Variants in VIPR2 observed in about 807,000 individuals in gnomAD.
The protein encoded by VIPR2 is vasoactive intestinal peptide receptor 2.
In VIPR2, 48 loss-of-function variants were observed where a neutral mutation model predicts 58.0. That is an observed-to-expected ratio of 0.83 (90% CI 0.66 to 1.05). The LOEUF is 1.05. VIPR2 is among the 50% of genes least tolerant of loss of function. VIPR2 has a pLI of 0.00. For synonymous variants in VIPR2, 243 were observed against 235.2 expected, an observed-to-expected ratio of 1.03 and a Z score of -0.30; for missense variants, 534 against 558.0, an observed-to-expected ratio of 0.96 and a Z score of 0.43.
intron 2 of VIPR2, among the ~76,000 whole-genome samples, chr7:159,121,518 G>A (rs6459925): frequency 0.33 from 49,649 of 152,038 alleles, 8,950 homozygotes; most frequent in African/African-American, 0.5. Flanking sequence ...GTACCCGTGC[G>A]TGGGATACAC....
chr7:159,124,392 T>C (rs187094746), intron 2 of VIPR2, among the ~76,000 whole-genome samples: 10 of 152,342 alleles, frequency 6.6e-5, no homozygotes, highest in Admixed American at 2.0e-4. Context: ...CACCATTTAA[T>C]TGAATAGGGA....
chr7:159,134,087 C>T (rs1797098884), intron 2 of VIPR2, among the ~76,000 whole-genome samples: 1 of 152,158 alleles, frequency 6.6e-6, no homozygotes, highest in Non-Finnish European at 1.5e-5. Flanking sequence ...ATATCTAGAT[C>T]ATGCCCAAAT....
chr7:159,114,855 CGGGGA>C (rs1796178046), intron 2 of VIPR2, among the ~76,000 whole-genome samples: 1 of 148,034 alleles, frequency 6.8e-6, no homozygotes, highest in African/African-American at 2.5e-5. Flanking sequence ...AGGGAGGGAG[CGGGGA>C]GGGAAGAAAA....
At chr7:159,103,170 A>C (rs776568894) in intron 4 of VIPR2, among the ~76,000 whole-genome samples, 2 of 152,214 alleles carry the variant, frequency 1.3e-5, no homozygotes, top group African/African-American at 2.4e-5. Context: ...CACAGTGGAC[A>C]TAACACCCAA....
chr7:159,084,139 G>A (rs1204508069), intron 4 of VIPR2, among the ~76,000 whole-genome samples: 4 of 152,244 alleles, frequency 2.6e-5, no homozygotes, highest in Admixed American at 1.3e-4. Flanking sequence ...AAGCAAAGCC[G>A]CATCAGTACT....
chr7:159,085,318 C>G (rs1857115564), intron 4 of VIPR2, among the ~76,000 whole-genome samples: 1 of 152,134 alleles, frequency 6.6e-6, no homozygotes, highest in Non-Finnish European at 1.5e-5. Context: ...TTTTTTGAGA[C>G]GGAGCCTTGC....
chr7:159,081,988 G>T (rs998642542), intron 4 of VIPR2, among the ~76,000 whole-genome samples: 1 of 152,218 alleles, frequency 6.6e-6, no homozygotes, highest in Non-Finnish European at 1.5e-5. Flanking sequence ...AGGATGTGGA[G>T]AAATAGGAAC....
At chr7:159,112,595 C>G (rs1796058866) in intron 2 of VIPR2, among the ~76,000 whole-genome samples, 1 of 151,744 alleles carries the variant, frequency 6.6e-6, no homozygotes, top group South Asian at 2.1e-4. Flanking sequence ...GACAGGCCAT[C>G]GGTACCCCCG....
intron 2 of VIPR2, among the ~76,000 whole-genome samples, chr7:159,130,200 T>G (rs113372000): frequency 0.015 from 2,311 of 152,324 alleles, 60 homozygotes; most frequent in African/African-American, 0.052. Context: ...TTCCTGGGCT[T>G]AGGTCAAGCT....
In VIPR2 at chr7:159,037,518, C is replaced by CT. The variant is rs554188944; in HGVS notation, c.598-617dup. On this transcript the variant is annotated intron_variant, in intron 6 of 12. Coordinates refer to ENST00000262178, the MANE Select transcript of VIPR2 (RefSeq NM_003382.5). ...CAGTGGACCCACACCAGGCCCCAGA[C>CT]TTTTTTTTTAAATTTTTGACAACTA... Among the ~76,000 whole-genome samples, 411 of 151,842 alleles carry CT rather than the reference C, an allele frequency of 2.7e-3. 1 individual carries two copies. Among genetic ancestry groups the CT allele is most frequent in the Non-Finnish European group, 4.9e-3 (330 of 67,878 alleles).
intron 8 of VIPR2, chr7:159,035,672 C>T: frequency 1.0e-6 from 1 of 984,286 alleles, no homozygotes; most frequent in Non-Finnish European, 1.2e-6. Context: ...ATCGCTGTGC[C>T]CACCGCAGGG....
intron 3 of VIPR2, among the ~76,000 whole-genome samples, chr7:159,108,910 T>C (rs1795881100): frequency 6.6e-6 from 1 of 152,206 alleles, no homozygotes; most frequent in Non-Finnish European, 1.5e-5. Context: ...GTGATGGTAA[T>C]GCAAGCATGG....
intron 10 of VIPR2, among the ~76,000 whole-genome samples, chr7:159,033,652 T>G (rs1158776674): frequency 1.3e-5 from 2 of 152,234 alleles, no homozygotes; most frequent in South Asian, 2.1e-4. Flanking sequence ...TGTAATCACG[T>G]GGGCAGGAAA....
chr7:159,067,642 A>G (rs1165367820), intron 4 of VIPR2, among the ~76,000 whole-genome samples: 1 of 152,248 alleles, frequency 6.6e-6, no homozygotes, highest in African/African-American at 2.4e-5. Flanking sequence ...CTAGAAAGAA[A>G]GAATAATCCA....
Position 159,096,926 on chromosome 7 carries a change from AT to A in VIPR2, c.357+6830del, listed in dbSNP as rs1263808332. 5.8e-6 allele frequency: 9 copies of A among 1,550,582 alleles called. No individual in the cohort carries two copies. The East Asian group carries it at 2.2e-4, about 38-fold the overall frequency. ...CCCGTTCCCATCACTCGATGAGCCA[AT>A]GCCCTCGTGGCTGGCATTGAGCTTG... On this transcript the variant is annotated intron_variant, in intron 4 of 12. Transcript: ENST00000262178. The surrounding 1 kb of genome is among the most constrained non-coding windows in gnomAD (Gnocchi z 5.5).
At chr7:159,067,004 A>C (rs1856128331) in intron 4 of VIPR2, among the ~76,000 whole-genome samples, 1 of 152,214 alleles carries the variant, frequency 6.6e-6, no homozygotes, top group Non-Finnish European at 1.5e-5. Context: ...CGTGCCTGCC[A>C]TGTGCGGATA....
chr7:159,031,477 G>T lies in VIPR2; in HGVS notation c.1143+351C>A. 1.0e-6 allele frequency: 1 copy of T among 984,452 alleles called. No individual in the cohort carries two copies. The highest frequency in any genetic ancestry group is 1.7e-5 in the African/African-American group (1 of 57,218). The allele number at this position is 984,452 out of a possible 1,614,324, so 61.0% of individuals were successfully genotyped here. ...CAGCCCCACCCCCCAACCCAGGCCC[G>T]GCTTTCTGGGACTCACAAGCTATGG... On this transcript the variant is annotated intron_variant, in intron 12 of 12. Transcript: ENST00000262178. The surrounding 1 kb of genome is among the most constrained non-coding windows in gnomAD (Gnocchi z 4.0).
At chr7:159,089,995 G>A (rs1252948009) in intron 4 of VIPR2, among the ~76,000 whole-genome samples, 1 of 152,372 alleles carries the variant, frequency 6.6e-6, no homozygotes, top group East Asian at 1.9e-4. Flanking sequence ...GAGACACTTA[G>A]CACAGACATG....
rs1225412675 is a variant in VIPR2 at position 159,035,840 on chromosome 7, C to T, written c.809+112G>A. ...GCTTCCTGCGTGGCTGTCGGTTGGC[C>T]GCAAACGCTCCCTGTCCTTCCAACC... On this transcript the variant is annotated intron_variant, in intron 8 of 12. Transcript: ENST00000262178. The T allele has an allele frequency of 8.5e-5, 125 of 1,464,412 alleles. 1 individual carries two copies. Among genetic ancestry groups the T allele is most frequent in the Middle Eastern group, 4.0e-4 (2 of 5,056 alleles). The allele number at this position is 1,464,412 out of a possible 1,614,324, so 90.7% of individuals were successfully genotyped here.
Sources: gnomAD v4.1 joint callset for allele counts (sites outside exome capture counted in the v4.1 genomes callset) on GRCh38, gnomAD v4.1.1 for gene constraint, Gnocchi (gnomAD v3.1) non-coding constraint, MANE v1.5 for transcripts, NCBI Gene and HGNC (gene_info 2026-07-23, HGNC 2026-07-21) for gene names.